The following PTPRD variants were observed in gnomAD, a reference collection of about 807,000 sequenced individuals.
The protein encoded by PTPRD is receptor-type tyrosine-protein phosphatase delta.
A neutral mutation model predicts 214.5 loss-of-function variants in PTPRD; 34 were observed. The ratio of observed to expected loss-of-function variants is 0.16; its 90% CI spans 0.12 to 0.21. The LOEUF is 0.21. Ranked by LOEUF, PTPRD falls within the 10% of genes least tolerant of loss-of-function variation. The pLI is 1.00. For synonymous variants in PTPRD, 1,128 were observed against 845.7 expected (o/e 1.33, Z -5.79); for missense variants, 2,545 against 2,398.7 (o/e 1.06, Z -1.27).
chr9:10,523,534 G>C (rs1428135294), intron 2 of PTPRD, among the ~76,000 whole-genome samples: 1 of 144,126 alleles, frequency 6.9e-6, no homozygotes, highest in African/African-American at 2.6e-5. Flanking sequence ...TAAACAAGCA[G>C]GTAGAACTGT....
At chr9:8,872,351 G>T (rs935195003) in intron 11 of PTPRD, among the ~76,000 whole-genome samples, 9 of 152,154 alleles carry the variant, frequency 5.9e-5, no homozygotes, top group Non-Finnish European at 1.3e-4. Context: ...TATCAAAAAG[G>T]CTCTGTCTTC....
At chr9:9,748,032 C>T (rs922758467) in intron 6 of PTPRD, among the ~76,000 whole-genome samples, 1 of 152,048 alleles carries the variant, frequency 6.6e-6, no homozygotes, top group African/African-American at 2.4e-5. Context: ...CTCTTGGAAT[C>T]CAGAAAAATG....
intron 8 of PTPRD, among the ~76,000 whole-genome samples, chr9:9,400,050 C>A (rs552058006): frequency 1.6e-4 from 23 of 147,388 alleles, no homozygotes; most frequent in Admixed American, 6.1e-4. Context: ...ATTATTTTGA[C>A]TTTCTTTAAA....
chr9:9,599,451 T>G (rs1444470695), intron 7 of PTPRD, among the ~76,000 whole-genome samples: 1 of 152,048 alleles, frequency 6.6e-6, no homozygotes, highest in Non-Finnish European at 1.5e-5. Context: ...ACCATAACAG[T>G]GTTGGGCTTC....
At chr9:10,496,453 T>C (rs1226716267) in intron 2 of PTPRD, among the ~76,000 whole-genome samples, 1 of 152,050 alleles carries the variant, frequency 6.6e-6, no homozygotes, top group African/African-American at 2.4e-5. Flanking sequence ...AATCTATTTG[T>C]TTTTGCACTA....
intron 9 of PTPRD, among the ~76,000 whole-genome samples, chr9:9,323,782 G>T (rs1355591488): frequency 6.6e-6 from 1 of 152,186 alleles, no homozygotes; most frequent in East Asian, 1.9e-4. Flanking sequence ...ATGTTGGTTT[G>T]CTGCACCCAT....
At chr9:9,164,674 T>G (rs900960201) in intron 10 of PTPRD, among the ~76,000 whole-genome samples, 2 of 152,092 alleles carry the variant, frequency 1.3e-5, no homozygotes, top group Admixed American at 6.6e-5. Flanking sequence ...CAATACATAT[T>G]TATTATGAAG....
At chr9:8,645,224 C>A (rs1486186393) in intron 12 of PTPRD, among the ~76,000 whole-genome samples, 1 of 152,150 alleles carries the variant, frequency 6.6e-6, no homozygotes, top group Non-Finnish European at 1.5e-5. Flanking sequence ...TTTAAAAGTT[C>A]TCTTAAAGTG....
intron 12 of PTPRD, among the ~76,000 whole-genome samples, chr9:8,685,899 A>G (rs1714747732): frequency 6.6e-6 from 1 of 152,258 alleles, no homozygotes; most frequent in Non-Finnish European, 1.5e-5. Context: ...GTCTTTAAAA[A>G]TAAAAGACTC....
intron 3 of PTPRD, among the ~76,000 whole-genome samples, chr9:10,047,739 C>T (rs2097433220): frequency 1.3e-5 from 2 of 152,122 alleles, no homozygotes; most frequent in Admixed American, 6.6e-5. Context: ...AATTTGTTTA[C>T]TTCCTTGAAA....
chr9:9,017,644 C>CTTTTTTCTTG (rs2099541904), intron 11 of PTPRD, among the ~76,000 whole-genome samples: 1 of 152,006 alleles, frequency 6.6e-6, no homozygotes, highest in Non-Finnish European at 1.5e-5. Flanking sequence ...AATCAAGAAA[C>CTTTTTTCTTG]ATTTTCTTCA....
chr9:8,882,595 T>C (rs1173769436), intron 11 of PTPRD, among the ~76,000 whole-genome samples: 1 of 152,048 alleles, frequency 6.6e-6, no homozygotes, highest in East Asian at 1.9e-4. Flanking sequence ...GATTAAGATA[T>C]TTTAGAGGGC....
At chr9:9,880,144 A>G (rs75945016) in intron 5 of PTPRD, among the ~76,000 whole-genome samples, 2,255 of 152,162 alleles carry the variant, frequency 0.015, 18 homozygotes, top group Non-Finnish European at 0.024. Context: ...AACTCACAAG[A>G]TCTGGTTAAG....
In PTPRD at chr9:8,833,078, A is replaced by G. The variant is rs1295989900; in HGVS notation, c.-103-99132T>C. On this transcript the variant is annotated intron_variant, in intron 11 of 45. Transcript: ENST00000381196. ...TGTGCGACCCAGAAATCTTAATAACAGCATTGGCACATCCAGTTCATACAC... is the reference window on the plus strand; with the variant it reads ...TGTGCGACCCAGAAATCTTAATAACGGCATTGGCACATCCAGTTCATACAC... 2.0e-5 allele frequency among the ~76,000 whole-genome samples: 3 copies of G among 152,176 alleles called. No individual in the cohort carries two copies. In the East Asian group the frequency reaches 5.8e-4, roughly 29 times the overall value.
intron 8 of PTPRD, among the ~76,000 whole-genome samples, chr9:9,462,940 G>C (rs1403408950): frequency 3.3e-5 from 5 of 152,114 alleles, no homozygotes; most frequent in Admixed American, 3.3e-4. Context: ...GTCACCGATT[G>C]TATAGTTTAA....
chr9:8,985,183 C>T (rs1333160029), intron 11 of PTPRD, among the ~76,000 whole-genome samples: 2 of 151,942 alleles, frequency 1.3e-5, no homozygotes, highest in Non-Finnish European at 2.9e-5. Flanking sequence ...TTTAGAATTT[C>T]AGAAGTTTTT....
At chr9:9,756,746 A>G (rs867091731) in intron 6 of PTPRD, among the ~76,000 whole-genome samples, 12 of 152,284 alleles carry the variant, frequency 7.9e-5, no homozygotes, top group Middle Eastern at 6.8e-3. Flanking sequence ...CCTCAATAAA[A>G]AAATTAGTAG....
At chr9:9,040,717 G>A (rs1324958474) in intron 10 of PTPRD, among the ~76,000 whole-genome samples, 1 of 152,110 alleles carries the variant, frequency 6.6e-6, no homozygotes, top group Non-Finnish European at 1.5e-5. Flanking sequence ...CATAATCACA[G>A]TCATAATATC....
chr9:8,572,880 T>C (rs2154238317), intron 14 of PTPRD, among the ~76,000 whole-genome samples: 1 of 152,226 alleles, frequency 6.6e-6, no homozygotes, highest in East Asian at 1.9e-4. Context: ...ATATCCTAAA[T>C]ATTTCCAAAG....
Sources: gnomAD v4.1 joint callset for allele counts (sites outside exome capture counted in the v4.1 genomes callset) on GRCh38, gnomAD v4.1.1 for gene constraint, MANE v1.5 for transcripts, NCBI Gene and HGNC (gene_info 2026-07-23, HGNC 2026-07-21) for gene names.